Variants in DDAH1 observed in about 807,000 individuals in gnomAD.
DDAH1 encodes dimethylarginine dimethylaminohydrolase 1.
In DDAH1, 19 loss-of-function variants were observed where a neutral mutation model predicts 28.8. The ratio of observed to expected loss-of-function variants is 0.66; its 90% CI spans 0.46 to 0.97. The LOEUF is 0.97. Ranked by LOEUF, DDAH1 falls within the 50% of genes least tolerant of loss-of-function variation. The pLI is 0.00. For missense variants in DDAH1, 326 were observed against 375.9 expected (o/e 0.87, Z 1.10); for synonymous variants, 153 against 154.4 (o/e 0.99, Z 0.07).
chr1:85,428,325 T>C (rs1335985087), intron 1 of DDAH1, among the ~76,000 whole-genome samples: 3 of 152,166 alleles, frequency 2.0e-5, no homozygotes, highest in Non-Finnish European at 2.9e-5. Context: ...CTCACAATCA[T>C]GGCAGAAGGC....
upstream of DDAH1, among the ~76,000 whole-genome samples, chr1:85,467,095 C>T (rs1436627924): frequency 6.6e-6 from 1 of 152,110 alleles, no homozygotes; most frequent in African/African-American, 2.4e-5. Flanking sequence ...CCTCGGCCTC[C>T]CAACGTGCTG....
At chr1:85,441,132 C>T (rs529702293) in intron 1 of DDAH1, among the ~76,000 whole-genome samples, 65 of 152,334 alleles carry the variant, frequency 4.3e-4, no homozygotes, top group African/African-American at 1.5e-3. Flanking sequence ...TTAAAGCACA[C>T]GCTCAATAGG....
intron 1 of DDAH1, among the ~76,000 whole-genome samples, chr1:85,550,589 G>A (rs927943814): frequency 6.6e-6 from 1 of 152,216 alleles, no homozygotes; most frequent in Admixed American, 6.5e-5. Flanking sequence ...CTCCTTAGAG[G>A]TGAAAACATC....
At chr1:85,519,025 T>C (rs1272465253) in intron 1 of DDAH1, among the ~76,000 whole-genome samples, 1 of 150,908 alleles carries the variant, frequency 6.6e-6, no homozygotes, top group Non-Finnish European at 1.5e-5. Flanking sequence ...AAGTAAGCTA[T>C]GGAAGAGTGC....
chr1:85,424,410 A>G (rs1035046452), intron 1 of DDAH1, among the ~76,000 whole-genome samples: 4 of 152,156 alleles, frequency 2.6e-5, no homozygotes, highest in African/African-American at 9.6e-5. Flanking sequence ...ACTAACATAC[A>G]GAATGAATTA....
chr1:85,475,724 A>C (rs1372608352), intron 2 of DDAH1, among the ~76,000 whole-genome samples: 1 of 152,194 alleles, frequency 6.6e-6, no homozygotes, highest in African/African-American at 2.4e-5. Context: ...ATCATGCAAA[A>C]ATGGTTGGGG....
At chr1:85,573,623 G>A (rs1343153022) in intron 1 of DDAH1, among the ~76,000 whole-genome samples, 3 of 152,198 alleles carry the variant, frequency 2.0e-5, no homozygotes, top group Non-Finnish European at 2.9e-5. Context: ...CACGGGATAT[G>A]GATGCCCTAA....
chr1:85,570,364 TCACACACACACA>T (rs35259175), intron 1 of DDAH1, among the ~76,000 whole-genome samples: 14 of 145,572 alleles, frequency 9.6e-5, no homozygotes, highest in African/African-American at 3.3e-4. Flanking sequence ...ACACACACTG[TCACACACACACA>T]CACACACACA....
At chr1:85,448,842 T>C (rs1006195311) in intron 1 of DDAH1, among the ~76,000 whole-genome samples, 1 of 152,174 alleles carries the variant, frequency 6.6e-6, no homozygotes, top group Non-Finnish European at 1.5e-5. Flanking sequence ...CAGCAAAGAA[T>C]TTTACAAATT....
chr1:85,540,976 A>AG, intron 1 of DDAH1, among the ~76,000 whole-genome samples: 1 of 151,812 alleles, frequency 6.6e-6, no homozygotes, highest in East Asian at 1.9e-4. Context: ...AAAAAAAAAA[A>AG]AAAAAAATGT....
intron 4 of DDAH1, among the ~76,000 whole-genome samples, chr1:85,345,204 G>T (rs986694301): frequency 2.6e-5 from 4 of 152,042 alleles, no homozygotes; most frequent in Admixed American, 2.0e-4. Context: ...TTATTCTTTG[G>T]GGGGGTTGGC....
intron 1 of DDAH1, among the ~76,000 whole-genome samples, chr1:85,507,101 G>T (rs892282496): frequency 6.6e-6 from 1 of 152,018 alleles, no homozygotes; most frequent in Non-Finnish European, 1.5e-5. Flanking sequence ...TGCCATATTT[G>T]CTTTATCTTT....
chr1:85,336,841 C>T (rs1239341022), intron 4 of DDAH1, among the ~76,000 whole-genome samples: 2 of 151,952 alleles, frequency 1.3e-5, no homozygotes, highest in Non-Finnish European at 2.9e-5. Flanking sequence ...CTTCCTAACT[C>T]ATTTCATGAG....
chr1:85,333,214 C>T (rs1461203281), intron 4 of DDAH1, among the ~76,000 whole-genome samples: 2 of 152,212 alleles, frequency 1.3e-5, no homozygotes, highest in African/African-American at 2.4e-5. Flanking sequence ...ATCACAGACA[C>T]CACTGATGGT....
intron 1 of DDAH1, among the ~76,000 whole-genome samples, chr1:85,429,469 T>G (rs986736857): frequency 3.3e-5 from 5 of 152,252 alleles, no homozygotes; most frequent in Admixed American, 3.3e-4. Flanking sequence ...AGCGCTGCAA[T>G]AAACATATGT....
Position 85,325,610 on chromosome 1 carries a change from A to G in DDAH1, c.598-727T>C, listed in dbSNP as rs566650985. ...GTTCCCTGGACCACAACTGGAGAGA[A>G]AAAAAAAAAAACCTACTTGGCAGGT... On this transcript the variant is annotated intron_variant, in intron 4 of 5. Transcript: ENST00000284031. Among the ~76,000 whole-genome samples, 57 of 144,820 alleles carry G rather than the reference A, an allele frequency of 3.9e-4. No homozygotes were observed. The South Asian group carries it at 5.5e-3, about 14-fold the overall frequency.
intron 1 of DDAH1, among the ~76,000 whole-genome samples, chr1:85,361,962 AT>A (rs1649818012): frequency 6.6e-6 from 1 of 152,214 alleles, no homozygotes; most frequent in African/African-American, 2.4e-5. Context: ...TGTATTTTTT[AT>A]GAATAACAGC....
intron 1 of DDAH1, among the ~76,000 whole-genome samples, chr1:85,446,887 A>G (rs1403068486): frequency 6.6e-6 from 1 of 152,160 alleles, no homozygotes; most frequent in Non-Finnish European, 1.5e-5. Flanking sequence ...CTGCAGCAAC[A>G]GCATTTTACA....
intron 1 of DDAH1, among the ~76,000 whole-genome samples, chr1:85,541,872 G>T (rs563917609): frequency 2.0e-5 from 3 of 152,262 alleles, no homozygotes; most frequent in Admixed American, 2.0e-4. Context: ...AGGAAGCAGG[G>T]TATCACCACA....
Sources: allele counts gnomAD v4.1 joint callset (sites outside exome capture counted in the v4.1 genomes callset), GRCh38; gene constraint gnomAD v4.1.1; transcripts MANE v1.5; gene names NCBI Gene and HGNC (gene_info 2026-07-23, HGNC 2026-07-21).